The following UACA variants were observed in gnomAD, a reference collection of about 807,000 sequenced individuals.
The protein encoded by UACA is nuclear membrane binding protein.
A neutral mutation model predicts 160.5 loss-of-function variants in UACA; 112 were observed. The observed-to-expected ratio is 0.70, with a 90% CI of 0.60 to 0.82. The LOEUF is 0.82. UACA is among the 40% of genes least tolerant of loss of function. The pLI, the probability that UACA is intolerant of heterozygous loss-of-function variation, is 0.00. For missense variants in UACA, 1,574 were observed against 1,614.6 expected, an observed-to-expected ratio of 0.97 and a Z score of 0.43; for synonymous variants, 557 against 568.4, an observed-to-expected ratio of 0.98 and a Z score of 0.29.
intron 1 of UACA, among the ~76,000 whole-genome samples, chr15:70,737,263 A>G (rs777858155): frequency 1.3e-5 from 2 of 152,240 alleles, no homozygotes; most frequent in Non-Finnish European, 2.9e-5. Context: ...TCAACAGATT[A>G]AAGAGTGGGC....
At chr15:70,736,942 T>C (rs1298979390) in intron 1 of UACA, among the ~76,000 whole-genome samples, 2 of 152,234 alleles carry the variant, frequency 1.3e-5, no homozygotes, top group African/African-American at 4.8e-5. Context: ...CTTGGCATTT[T>C]ATGTAACCGG....
At chr15:70,697,025 A>T (rs1459546277) in intron 2 of UACA, among the ~76,000 whole-genome samples, 1 of 152,202 alleles carries the variant, frequency 6.6e-6, no homozygotes, top group Non-Finnish European at 1.5e-5. Flanking sequence ...AAATATGAAA[A>T]ATTGCTTTAT....
chr15:70,686,278 A>G (rs1897713877), intron 7 of UACA, among the ~76,000 whole-genome samples: 1 of 152,008 alleles, frequency 6.6e-6, no homozygotes, highest in Admixed American at 6.6e-5. Flanking sequence ...TAGGGAGACA[A>G]AAGTTACAGG....
intron 3 of UACA, among the ~76,000 whole-genome samples, chr15:70,691,782 T>C (rs116155405): frequency 8.7e-4 from 132 of 152,214 alleles, no homozygotes; most frequent in African/African-American, 3.1e-3. Context: ...ACACTGAAAA[T>C]TGAGAAAGTT....
intron 1 of UACA, among the ~76,000 whole-genome samples, chr15:70,710,049 G>C (rs972655072): frequency 6.6e-6 from 1 of 152,134 alleles, no homozygotes; most frequent in Non-Finnish European, 1.5e-5. Context: ...CTTGAGCCCA[G>C]GAGTTGAGAC....
intron 1 of UACA, among the ~76,000 whole-genome samples, chr15:70,743,005 C>G (rs1899585791): frequency 6.6e-6 from 1 of 152,160 alleles, no homozygotes; most frequent in Non-Finnish European, 1.5e-5. Flanking sequence ...GGGTTCTTGT[C>G]TGGAAAAGAA....
At chr15:70,765,539 T>C (rs956926371), upstream of UACA, among the ~76,000 whole-genome samples, 1 of 152,234 alleles carries the variant, frequency 6.6e-6, no homozygotes, top group Non-Finnish European at 1.5e-5. Flanking sequence ...CTAACACATA[T>C]GAGCTGAGCA....
intron 1 of UACA, among the ~76,000 whole-genome samples, chr15:70,715,431 A>C (rs1398900102): frequency 6.6e-6 from 1 of 152,208 alleles, no homozygotes; most frequent in Non-Finnish European, 1.5e-5. Context: ...GGCTTTGTAA[A>C]GAAATATTAA....
chr15:70,657,204 A>G, intron 18 of UACA, 77 bp from the exon 19 acceptor site: 1 of 1,094,418 alleles, frequency 9.1e-7, no homozygotes, highest in Non-Finnish European at 1.4e-6. Flanking sequence ...TAAAGCTTTT[A>G]CAGAGCATAA....
chr15:70,663,111 C>T (rs574011955), intron 17 of UACA, among the ~76,000 whole-genome samples: 1 of 152,338 alleles, frequency 6.6e-6, no homozygotes, highest in South Asian at 2.1e-4. Context: ...GCAATCCACT[C>T]ATCTGACAAA....
chr15:70,761,718 G>A (rs1180852371), intron 1 of UACA, among the ~76,000 whole-genome samples: 1 of 152,062 alleles, frequency 6.6e-6, no homozygotes, highest in Non-Finnish European at 1.5e-5. Context: ...ATGTCATTTT[G>A]AGAAAAATAG....
At chr15:70,757,320 A>G (rs2030489416) in intron 1 of UACA, among the ~76,000 whole-genome samples, 1 of 152,208 alleles carries the variant, frequency 6.6e-6, no homozygotes, top group Non-Finnish European at 1.5e-5. Context: ...ATAGGTGGTA[A>G]TAAGTATTTC....
At chr15:70,691,493 T>A in intron 3 of UACA, 130 bp from the exon 4 acceptor site, 1 of 606,242 alleles carries the variant, frequency 1.6e-6, no homozygotes, top group Non-Finnish European at 2.8e-6. Flanking sequence ...ATACTTTCAG[T>A]TTCCAAAGAT....
chr15:70,704,779 GA>G (rs1449349840), intron 1 of UACA, among the ~76,000 whole-genome samples: 1 of 152,150 alleles, frequency 6.6e-6, no homozygotes, highest in Non-Finnish European at 1.5e-5. Context: ...ACTCTTAAAA[GA>G]AAAACTTCAG....
chr15:70,719,577 A>G (rs1039633431), intron 1 of UACA, among the ~76,000 whole-genome samples: 1 of 152,208 alleles, frequency 6.6e-6, no homozygotes, highest in African/African-American at 2.4e-5. Flanking sequence ...TACAACCACC[A>G]AAACATCATT....
rs1244833921 is a variant in UACA at position 70,666,842 on chromosome 15, C to A, written c.3842G>T (p.Ser1281Ile). 6.2e-7 allele frequency: 1 copy of A among 1,613,920 alleles called. No individual in the cohort carries two copies. The highest frequency in any genetic ancestry group is 1.7e-5 in the Admixed American group (1 of 59,982). ...AKDEKELLHF[S>I]IEQEIKDQKE... ...CTGATCCTTAATTTCTTGCTCAATG[C>A]TGAAATGCAGTAATTCCTTCTCATC... Residue 1281 changes from serine (S) to isoleucine (I), a missense_variant, in exon 16 of 19, where the codon AGC becomes ATC. Physicochemically the swap from Ser to Ile is moderately radical, Grantham distance 142. Transcript: ENST00000322954.
chr15:70,671,952 CT>C lies in UACA; in HGVS notation c.1168+12del, dbSNP rs762449321. ...AGGTGAACTGTAATGATAATCCATACTTTTATACTTACGGTTACTGAAATGA... is the reference window on the plus strand; with the variant it reads ...AGGTGAACTGTAATGATAATCCATACTTTATACTTACGGTTACTGAAATGA... On this transcript the variant is annotated intron_variant, in intron 14 of 18. Coordinates refer to ENST00000322954, the MANE Select transcript of UACA (RefSeq NM_018003.4). 1.9e-6 allele frequency: 3 copies of C among 1,592,258 alleles called. No individual in the cohort carries two copies. The African/African-American group carries it at 4.0e-5, about 21-fold the overall frequency.
chr15:70,752,401 A>G (rs1197948998), intron 1 of UACA, among the ~76,000 whole-genome samples: 1 of 152,150 alleles, frequency 6.6e-6, no homozygotes. Context: ...CATCTGCACA[A>G]AGTAGGCACC....
At chr15:70,686,606 A>C (rs1446199727) in intron 7 of UACA, among the ~76,000 whole-genome samples, 4 of 150,280 alleles carry the variant, frequency 2.7e-5, no homozygotes, top group Middle Eastern at 3.2e-3. Flanking sequence ...CTCGTCATTT[A>C]GCATTAGGTA....
Sources: allele counts gnomAD v4.1 joint callset (sites outside exome capture counted in the v4.1 genomes callset), GRCh38; gene constraint gnomAD v4.1.1; transcripts MANE v1.5; gene names NCBI Gene and HGNC (gene_info 2026-07-23, HGNC 2026-07-21).